CMSS1: variants seen among roughly 807,000 people sequenced by gnomAD.
CMSS1 encodes the protein protein CMSS1.
Under a neutral mutation model 43.5 loss-of-function variants are expected in CMSS1, and 33 were observed. That is an observed-to-expected ratio of 0.76 (90% confidence interval 0.57 to 1.01). The LOEUF (loss-of-function observed/expected upper bound fraction) is 1.01, where lower values mean the gene tolerates loss of function less well. Among genes scored for constraint, CMSS1 ranks in the 50% least tolerant of loss-of-function variants. The pLI is 0.00. For synonymous variants in CMSS1, 115 were observed against 117.2 expected (o/e 0.98, Z 0.12); for missense variants, 313 against 326.4 (o/e 0.96, Z 0.32).
chr3:99,927,998 A>T (rs1180940829), intron 1 of CMSS1, among the ~76,000 whole-genome samples: 2 of 152,190 alleles, frequency 1.3e-5, no homozygotes, highest in Non-Finnish European at 2.9e-5. Context: ...CCTAGACATG[A>T]TTGAGATTTT....
intron 2 of CMSS1, among the ~76,000 whole-genome samples, chr3:100,152,196 CCTT>C (rs766205732): frequency 1.3e-5 from 2 of 151,856 alleles, no homozygotes; most frequent in South Asian, 2.1e-4. Flanking sequence ...CTCCAATTAT[CCTT>C]CTTCTTTTTT....
At chr3:99,888,748 A>G (rs767262771) in intron 1 of CMSS1, among the ~76,000 whole-genome samples, 2 of 152,212 alleles carry the variant, frequency 1.3e-5, no homozygotes, top group East Asian at 3.8e-4. Flanking sequence ...CTCTTCCAGC[A>G]AAAGAAATTC....
chr3:100,095,844 C>T (rs374017558), intron 1 of CMSS1, among the ~76,000 whole-genome samples: 1 of 152,020 alleles, frequency 6.6e-6, no homozygotes. Context: ...ACCCACAGAA[C>T]GGGAGAAAAT....
At chr3:99,849,741 A>T in intron 1 of CMSS1, 1 of 1,613,822 alleles carries the variant, frequency 6.2e-7, no homozygotes, top group Non-Finnish European at 8.5e-7. Flanking sequence ...GGTCATCCTC[A>T]ATGGCTTTCA....
At chr3:99,991,976 A>G (rs569245106) in intron 1 of CMSS1, among the ~76,000 whole-genome samples, 1 of 148,158 alleles carries the variant, frequency 6.7e-6, no homozygotes, top group Non-Finnish European at 1.5e-5. Context: ...ATATACACAC[A>G]TATATGTGTA....
At chr3:100,141,766 C>CT (rs923950433) in intron 1 of CMSS1, 372 of 329,354 alleles carry the variant, frequency 1.1e-3, no homozygotes, top group Non-Finnish European at 1.5e-3. Flanking sequence ...CTGGCAGTGT[C>CT]TTTTTTTTTA....
chr3:99,927,985 T>C (rs1707350722), intron 1 of CMSS1, among the ~76,000 whole-genome samples: 1 of 152,240 alleles, frequency 6.6e-6, no homozygotes, highest in South Asian at 2.1e-4. Flanking sequence ...ACCTCTAGTT[T>C]ACCCTAGACA....
intron 1 of CMSS1, among the ~76,000 whole-genome samples, chr3:100,112,083 C>A (rs2066501054): frequency 6.6e-6 from 1 of 152,146 alleles, no homozygotes; most frequent in Admixed American, 6.6e-5. Flanking sequence ...AACAAATGAG[C>A]AAACAAACTA....
At chr3:100,127,710 G>T (rs1031979812) in intron 1 of CMSS1, among the ~76,000 whole-genome samples, 1 of 152,202 alleles carries the variant, frequency 6.6e-6, no homozygotes, top group Admixed American at 6.5e-5. Context: ...AGAACCTCTT[G>T]ACAAAGGAGT....
At chr3:100,125,343 A>T (rs1243810039) in intron 1 of CMSS1, among the ~76,000 whole-genome samples, 3 of 152,116 alleles carry the variant, frequency 2.0e-5, no homozygotes, top group Non-Finnish European at 4.4e-5. Flanking sequence ...CTGATCCCTC[A>T]CTTAGAAAAG....
intron 1 of CMSS1, among the ~76,000 whole-genome samples, chr3:99,922,627 G>C (rs925840025): frequency 2.0e-5 from 3 of 152,218 alleles, no homozygotes; most frequent in African/African-American, 7.2e-5. Context: ...ATTGGAAGTA[G>C]TTGAATAAGC....
intron 1 of CMSS1, among the ~76,000 whole-genome samples, chr3:99,872,910 C>G (rs1056255358): frequency 6.6e-6 from 1 of 151,566 alleles, no homozygotes; most frequent in East Asian, 1.9e-4. Context: ...CAAGGAGAAT[C>G]TCAAGTCTTT....
chr3:100,087,741 C>G (rs1024388319), intron 1 of CMSS1, among the ~76,000 whole-genome samples: 7 of 151,512 alleles, frequency 4.6e-5, no homozygotes, highest in African/African-American at 1.5e-4. Flanking sequence ...ACCAATTGAT[C>G]AGTGTTCTCT....
chr3:99,913,226 C>T (rs1269939187), intron 1 of CMSS1, among the ~76,000 whole-genome samples: 3 of 152,196 alleles, frequency 2.0e-5, no homozygotes, highest in African/African-American at 4.8e-5. Flanking sequence ...ATTTTGTCAT[C>T]ACAGCCCCAG....
intron 1 of CMSS1, among the ~76,000 whole-genome samples, chr3:99,962,550 G>A (rs144464980): frequency 5.9e-5 from 9 of 152,294 alleles, no homozygotes; most frequent in South Asian, 2.1e-4. Context: ...AGAAGAGGAA[G>A]AGATAATATT....
At chr3:99,988,757 C>A (rs1269011537) in intron 1 of CMSS1, among the ~76,000 whole-genome samples, 1 of 152,126 alleles carries the variant, frequency 6.6e-6, no homozygotes, top group Non-Finnish European at 1.5e-5. Context: ...ATAACTTTTA[C>A]AGAAACATAG....
intron 1 of CMSS1, among the ~76,000 whole-genome samples, chr3:99,925,326 T>A (rs1256842856): frequency 6.6e-6 from 1 of 152,212 alleles, no homozygotes; most frequent in East Asian, 1.9e-4. Context: ...ATGATCAACC[T>A]GTGGCTGATA....
intron 1 of CMSS1, among the ~76,000 whole-genome samples, chr3:99,921,233 A>G (rs1452345341): frequency 6.6e-6 from 1 of 152,216 alleles, no homozygotes; most frequent in Admixed American, 6.5e-5. Context: ...AGCAAGGCAC[A>G]CTACGGGTAT....
chr3:100,111,059 C>T (rs2066482449), intron 1 of CMSS1, among the ~76,000 whole-genome samples: 1 of 152,098 alleles, frequency 6.6e-6, no homozygotes, highest in East Asian at 1.9e-4. Flanking sequence ...AGCTTTACAG[C>T]CCAGTTCGCC....
Sources: allele counts gnomAD v4.1 joint callset (sites outside exome capture counted in the v4.1 genomes callset), GRCh38; gene constraint gnomAD v4.1.1; transcripts MANE v1.5; gene names NCBI Gene and HGNC (gene_info 2026-07-23, HGNC 2026-07-21).